The following ADAMTS6 variants were observed in gnomAD, a reference collection of about 807,000 sequenced individuals.
The protein encoded by ADAMTS6 is ADAM metallopeptidase with thrombospondin type 1 motif 6.
A neutral mutation model predicts 144.3 loss-of-function variants in ADAMTS6; 23 were observed. The ratio of observed to expected loss-of-function variants is 0.16; its 90% CI spans 0.11 to 0.23. ADAMTS6 has a LOEUF of 0.23. Ranked by LOEUF, ADAMTS6 falls within the 10% of genes least tolerant of loss-of-function variation. ADAMTS6 has a pLI of 1.00. For synonymous variants in ADAMTS6, 444 were observed against 457.5 expected, an observed-to-expected ratio of 0.97 and a Z score of 0.38; for missense variants, 999 against 1,379.6, an observed-to-expected ratio of 0.72 and a Z score of 4.37.
At chr5:65,204,029 G>A (rs1440026044) in intron 20 of ADAMTS6, among the ~76,000 whole-genome samples, 2 of 152,184 alleles carry the variant, frequency 1.3e-5, no homozygotes, top group African/African-American at 4.8e-5. Flanking sequence ...AATGATGAAA[G>A]AGGACTGATG....
chr5:65,201,253 C>T (rs184416471), intron 20 of ADAMTS6, among the ~76,000 whole-genome samples: 38 of 152,276 alleles, frequency 2.5e-4, no homozygotes, highest in Middle Eastern at 3.4e-3. Flanking sequence ...CAGAGACCAT[C>T]GCTCTTCTTC....
At chr5:65,419,262 T>C (rs905007261) in intron 7 of ADAMTS6, among the ~76,000 whole-genome samples, 2 of 152,132 alleles carry the variant, frequency 1.3e-5, no homozygotes, top group East Asian at 3.9e-4. Flanking sequence ...TGAATGCAAC[T>C]AGAGGTCAGT....
At chr5:65,340,995 C>A (rs1747768470) in intron 7 of ADAMTS6, among the ~76,000 whole-genome samples, 1 of 151,952 alleles carries the variant, frequency 6.6e-6, no homozygotes, top group South Asian at 2.1e-4. Flanking sequence ...ATGTCACTCT[C>A]AGCATTGGAC....
At chr5:65,316,758 T>C (rs1745040520) in intron 9 of ADAMTS6, among the ~76,000 whole-genome samples, 1 of 152,208 alleles carries the variant, frequency 6.6e-6, no homozygotes, top group Non-Finnish European at 1.5e-5. Flanking sequence ...ATTTCCTTTT[T>C]CCTTTTTATA....
chr5:65,234,935 T>C (rs1200936071), intron 15 of ADAMTS6, among the ~76,000 whole-genome samples: 1 of 152,062 alleles, frequency 6.6e-6, no homozygotes, highest in Non-Finnish European at 1.5e-5. Context: ...CCATCTTAAA[T>C]AAGAAAGAAA....
intron 7 of ADAMTS6, among the ~76,000 whole-genome samples, chr5:65,405,501 C>G (rs1332828632): frequency 6.6e-6 from 1 of 152,098 alleles, no homozygotes; most frequent in Non-Finnish European, 1.5e-5. Flanking sequence ...TTCCATTGAT[C>G]TATATCTCTG....
At chr5:65,194,928 C>A (rs959809526) in intron 21 of ADAMTS6, among the ~76,000 whole-genome samples, 1 of 152,168 alleles carries the variant, frequency 6.6e-6, no homozygotes, top group African/African-American at 2.4e-5. Context: ...CTCAAACACA[C>A]AACTTATGGG....
At chr5:65,352,170 A>C (rs1748912764) in intron 7 of ADAMTS6, among the ~76,000 whole-genome samples, 2 of 143,810 alleles carry the variant, frequency 1.4e-5, no homozygotes, top group South Asian at 4.3e-4. Context: ...AAAGATGTTT[A>C]TAAGTGATAA....
At chr5:65,363,007 G>A (rs1023018286) in intron 7 of ADAMTS6, among the ~76,000 whole-genome samples, 7 of 151,926 alleles carry the variant, frequency 4.6e-5, no homozygotes, top group African/African-American at 1.7e-4. Context: ...TTTTTCCAAG[G>A]TACCATATAA....
chr5:65,380,004 C>A (rs772975007), intron 7 of ADAMTS6, among the ~76,000 whole-genome samples: 31 of 151,956 alleles, frequency 2.0e-4, no homozygotes, highest in Non-Finnish European at 3.5e-4. Context: ...TGACTCATGA[C>A]GACTGATTAT....
intron 20 of ADAMTS6, among the ~76,000 whole-genome samples, chr5:65,204,170 T>G (rs1206296502): frequency 6.6e-6 from 1 of 152,204 alleles, no homozygotes; most frequent in East Asian, 1.9e-4. Context: ...GTCAAGATTA[T>G]CAAAATAACT....
chr5:65,426,213 ATTTT>A (rs150746408), intron 7 of ADAMTS6, among the ~76,000 whole-genome samples: 2 of 140,216 alleles, frequency 1.4e-5, no homozygotes, highest in African/African-American at 2.6e-5. Context: ...TGCCTGGCTA[ATTTT>A]TTTTTTTTTT....
intron 1 of ADAMTS6, among the ~76,000 whole-genome samples, chr5:65,479,350 A>T (rs1454986915): frequency 6.6e-6 from 1 of 152,224 alleles, no homozygotes; most frequent in Non-Finnish European, 1.5e-5. Context: ...AAACACATAA[A>T]TTACCCAAAA....
In ADAMTS6 at chr5:65,150,315, G is replaced by A. The variant is rs895543488; in HGVS notation, c.*1521C>T. On this transcript the variant is annotated 3_prime_UTR_variant, in exon 25 of 25. Transcript: ENST00000381055. ...CACAAAGCACATTCATCAAGAACCTGCTGCAAGCTACACGTGTTCAAGTAA... is the reference window on the plus strand; with the variant it reads ...CACAAAGCACATTCATCAAGAACCTACTGCAAGCTACACGTGTTCAAGTAA... 6.6e-6 allele frequency: 1 copy of A among 152,606 alleles called. No homozygotes were observed. Among genetic ancestry groups the A allele is most frequent in the African/African-American group, 2.4e-5 (1 of 41,438 alleles). 9.5% of individuals were successfully genotyped at this position (152,606 alleles called of 1,614,324 possible). A position where few individuals can be genotyped will look rare whatever the true frequency, so the allele number is the denominator to read the frequency against.
At chr5:65,299,712 C>T (rs906813967) in intron 10 of ADAMTS6, among the ~76,000 whole-genome samples, 3 of 152,028 alleles carry the variant, frequency 2.0e-5, no homozygotes, top group Non-Finnish European at 4.4e-5. Flanking sequence ...AATCTGAATG[C>T]TTTCTGAAAT....
intron 24 of ADAMTS6, among the ~76,000 whole-genome samples, chr5:65,153,500 G>A (rs562493291): frequency 7.2e-5 from 11 of 152,306 alleles, no homozygotes; most frequent in South Asian, 6.2e-4. Flanking sequence ...CCTTACGAAC[G>A]TCAACTACAG....
At chr5:65,252,133 C>T (rs1442857189) in intron 14 of ADAMTS6, among the ~76,000 whole-genome samples, 1 of 152,144 alleles carries the variant, frequency 6.6e-6, no homozygotes, top group African/African-American at 2.4e-5. Context: ...TCTGATTCAC[C>T]AGTGTAGGGA....
At chr5:65,321,708 C>CTTTTTTTTTTTTTTTT (rs529236363) in intron 9 of ADAMTS6, among the ~76,000 whole-genome samples, 11 of 78,884 alleles carry the variant, frequency 1.4e-4, no homozygotes, top group Admixed American at 2.0e-4. Flanking sequence ...TTTTCTTTTC[C>CTTTTTTTTTTTTTTTT]TTTTTTTTTT....
chr5:65,452,690 A>G lies in ADAMTS6; in HGVS notation c.843+17T>C. ...ACAAATATGAAGTAAAATATTATAT[A>G]GAGGGATCAAACTTACAATATTCAT... On this transcript the variant is annotated intron_variant, in intron 5 of 24. Coordinates refer to ENST00000381055, the MANE Select transcript of ADAMTS6 (RefSeq NM_197941.4). 2.5e-6 allele frequency: 4 copies of G among 1,612,608 alleles called. No homozygotes were observed. The highest frequency in any genetic ancestry group is 4.5e-5 in the East Asian group (2 of 44,852).
Sources: allele counts gnomAD v4.1 joint callset (sites outside exome capture counted in the v4.1 genomes callset), GRCh38; gene constraint gnomAD v4.1.1; transcripts MANE v1.5; gene names NCBI Gene and HGNC (gene_info 2026-07-23, HGNC 2026-07-21).